Variants in TENM4 observed in about 807,000 individuals in gnomAD.
TENM4 encodes the protein teneurin-4.
In TENM4, 82 loss-of-function variants were observed where a neutral mutation model predicts 243.3. The observed-to-expected ratio is 0.34, with a 90% CI of 0.28 to 0.40. TENM4 has a LOEUF of 0.40. TENM4 is among the 10% of genes least tolerant of loss of function. TENM4 has a pLI of 1.00. For missense variants in TENM4, 3,138 were observed against 3,673.3 expected (o/e 0.85, Z 3.77); for synonymous variants, 1,412 against 1,456.3 (o/e 0.97, Z 0.69).
intron 6 of TENM4, among the ~76,000 whole-genome samples, chr11:78,975,674 C>T (rs1015754631): frequency 4.6e-5 from 7 of 151,612 alleles, no homozygotes; most frequent in Non-Finnish European, 1.0e-4. Context: ...GGCAAAATTC[C>T]AGGCCTCAAG....
At chr11:79,403,987 G>T (rs568878486) in intron 1 of TENM4, among the ~76,000 whole-genome samples, 7 of 152,264 alleles carry the variant, frequency 4.6e-5, no homozygotes, top group Admixed American at 4.6e-4. Flanking sequence ...TTCAGTTCCT[G>T]GACAGCAGGG....
chr11:78,796,111 C>A (rs763845310), intron 15 of TENM4, among the ~76,000 whole-genome samples: 34 of 152,040 alleles, frequency 2.2e-4, no homozygotes, highest in Non-Finnish European at 4.4e-5. Flanking sequence ...AAAGTGGATT[C>A]CAGTATGTGG....
chr11:79,365,338 G>A (rs536425), intron 1 of TENM4, among the ~76,000 whole-genome samples: 109,743 of 152,092 alleles, frequency 0.72, 39,648 homozygotes, highest in African/African-American at 0.77. Flanking sequence ...GGCCCATCAT[G>A]GCCCCTAAAA....
chr11:79,155,181 C>G lies in TENM4; in HGVS notation c.-162-6375G>C, dbSNP rs7119207. ...CTAGAGAGGCAAACCCTAGCGGGACCCAGAAGAGGGACAGATCCGGAGTAT... is the reference window on the plus strand; with the variant it reads ...CTAGAGAGGCAAACCCTAGCGGGACGCAGAAGAGGGACAGATCCGGAGTAT... On this transcript the variant is annotated intron_variant, in intron 3 of 33. Coordinates refer to ENST00000278550, the MANE Select transcript of TENM4 (RefSeq NM_001098816.3). Among the ~76,000 whole-genome samples the G allele has an allele frequency of 7.1e-3, 1,085 of 152,226 alleles. 14 individuals carry two copies. The highest frequency in any genetic ancestry group is 0.021 in the African/African-American group (853 of 41,538).
At chr11:79,162,952 C>T (rs1051671639) in intron 3 of TENM4, among the ~76,000 whole-genome samples, 37 of 152,234 alleles carry the variant, frequency 2.4e-4, no homozygotes, top group Admixed American at 3.9e-4. Context: ...TCTGAGGGAG[C>T]TATTTCTGCA....
chr11:78,695,459 A>T (rs1481642346), intron 28 of TENM4, among the ~76,000 whole-genome samples: 1 of 151,980 alleles, frequency 6.6e-6, no homozygotes. Flanking sequence ...CGCCTCCTGG[A>T]TTTAAGTGAT....
intron 6 of TENM4, among the ~76,000 whole-genome samples, chr11:79,011,873 T>C (rs588708): frequency 0.52 from 78,590 of 152,180 alleles, 21,130 homozygotes; most frequent in Middle Eastern, 0.59. Flanking sequence ...CCAATGACTC[T>C]GTCATTCTGA....
chr11:78,814,347 A>T lies in TENM4; in HGVS notation c.1730T>A (p.Ile577Asn), dbSNP rs576393662. ...CAGGAAGCAGTGGCAGGTCCCAGAG[A>T]TGCAGTCACCATTGCCATAGCAGTT... ...PSNCYGNGDC[I>N]SGTCHCFLGF... The change falls in exon 13 of 34, where the codon ATC becomes AAC. Residue 577 changes from isoleucine (I) to asparagine (N), a missense_variant. Transcript: ENST00000278550. The T allele has an allele frequency of 6.4e-7, 1 of 1,550,650 alleles. No homozygotes were observed. The highest frequency in any genetic ancestry group is 1.4e-5 in the African/African-American group (1 of 73,060).
Position 78,980,023 on chromosome 11 carries a change from T to C in TENM4, c.494-76500A>G, listed in dbSNP as rs184770636. Among the ~76,000 whole-genome samples, 470 of 152,284 alleles carry C rather than the reference T, an allele frequency of 3.1e-3. 6 individuals are homozygous for C. The highest frequency in any genetic ancestry group is 6.8e-3 in the Middle Eastern group (2 of 294). On this transcript the variant is annotated intron_variant, in intron 6 of 33. Transcript: ENST00000278550. ...CTCTCTGAGTTACCATCACCCCCAT[T>C]TAGTAGATGAGAGAAGATAAATTTA... is the stretch of plus-strand genomic sequence containing the variant.
At chr11:79,026,308 T>C (rs1459656517) in intron 6 of TENM4, among the ~76,000 whole-genome samples, 1 of 152,194 alleles carries the variant, frequency 6.6e-6, no homozygotes, top group Non-Finnish European at 1.5e-5. Context: ...GGCACTGTTA[T>C]CTCAGGGAGA....
At chr11:79,153,788 G>C (rs796252403) in intron 3 of TENM4, among the ~76,000 whole-genome samples, 24 of 152,206 alleles carry the variant, frequency 1.6e-4, no homozygotes, top group African/African-American at 5.5e-4. Flanking sequence ...CTGTGTGTGG[G>C]TCTACGAGGC....
chr11:78,842,470 T>C (rs1858281785), intron 12 of TENM4, among the ~76,000 whole-genome samples: 1 of 152,256 alleles, frequency 6.6e-6, no homozygotes, highest in Admixed American at 6.5e-5. Flanking sequence ...AAGATACCTA[T>C]ACAACACCCA....
At chr11:79,066,684 G>T (rs541271313) in intron 5 of TENM4, among the ~76,000 whole-genome samples, 1 of 148,530 alleles carries the variant, frequency 6.7e-6, no homozygotes, top group Non-Finnish European at 1.5e-5. Context: ...ACACACGCAC[G>T]CATGCACACT....
chr11:78,910,089 G>A (rs1318206770), intron 6 of TENM4, among the ~76,000 whole-genome samples: 1 of 152,160 alleles, frequency 6.6e-6, no homozygotes, highest in African/African-American at 2.4e-5. Context: ...TAAACTTCCA[G>A]AGCTTTGGCT....
chr11:79,168,556 T>C (rs1034852988), intron 3 of TENM4, among the ~76,000 whole-genome samples: 1 of 152,158 alleles, frequency 6.6e-6, no homozygotes, highest in African/African-American at 2.4e-5. Flanking sequence ...GAGCATCTGT[T>C]ACATCATCAC....
intron 2 of TENM4, among the ~76,000 whole-genome samples, chr11:79,231,746 G>A (rs1169391797): frequency 1.3e-5 from 2 of 152,180 alleles, no homozygotes; most frequent in Non-Finnish European, 2.9e-5. Context: ...GTTAGGCAGG[G>A]AACATTAGTC....
At chr11:78,770,854 GTT>G (rs1856631778) in intron 18 of TENM4, 136 bp downstream of exon 18, 1 of 1,153,716 alleles carries the variant, frequency 8.7e-7, no homozygotes, top group Non-Finnish European at 1.2e-6. Flanking sequence ...CACATGTGCA[GTT>G]TTTTGCTTGC....
At chr11:78,814,441 CCAAA>C (rs770737606) in intron 12 of TENM4, 46 bp from the exon 13 acceptor site, 63 of 1,504,914 alleles carry the variant, frequency 4.2e-5, no homozygotes, top group Non-Finnish European at 5.6e-5. Flanking sequence ...ATTTCCTTAC[CCAAA>C]CAGAGAGCCC....
intron 3 of TENM4, among the ~76,000 whole-genome samples, chr11:79,195,095 C>T (rs1010772233): frequency 1.3e-5 from 2 of 152,232 alleles, no homozygotes; most frequent in African/African-American, 2.4e-5. Flanking sequence ...TGGCAGCCTC[C>T]ACATGGTGTT....
Sources: gnomAD v4.1 joint callset for allele counts (sites outside exome capture counted in the v4.1 genomes callset) on GRCh38, gnomAD v4.1.1 for gene constraint, MANE v1.5 for transcripts, NCBI Gene and HGNC (gene_info 2026-07-23, HGNC 2026-07-21) for gene names.